The following CYFIP1 variants were observed in gnomAD, a reference collection of about 807,000 sequenced individuals.
The protein encoded by CYFIP1 is cytoplasmic FMR1-interacting protein 1.
In CYFIP1, 58 loss-of-function variants were observed where a neutral mutation model predicts 163.5. The ratio of observed to expected loss-of-function variants is 0.35; its 90% confidence interval spans 0.29 to 0.44. The LOEUF is 0.44. CYFIP1 is among the 20% of genes least tolerant of loss of function. The pLI, the probability that CYFIP1 is intolerant of heterozygous loss-of-function variation, is 1.00. For missense variants in CYFIP1, 1,338 were observed against 1,653.8 expected (o/e 0.81, Z 3.31); for synonymous variants, 663 against 660.7 (o/e 1.00, Z -0.05).
Position 22,944,883 on chromosome 15 carries a change from G to A in CYFIP1, c.264C>T (p.Ser88=), listed in dbSNP as rs367831397. The A allele has an allele frequency of 3.1e-6, 5 of 1,613,960 alleles. No homozygotes were observed. Among genetic ancestry groups the A allele is most frequent in the Non-Finnish European group, 3.4e-6 (4 of 1,180,016 alleles). The part of the protein sequence containing the change: ...EYAVMLYTWR[S]CSRAIPQVKC... Reference sequence around the variant, plus strand: ...GCACCTGTGGGATGGCCCGGGAGCAGCTCCTCCAGGTGTACAGCATGACAG... The same window carrying A: ...GCACCTGTGGGATGGCCCGGGAGCAACTCCTCCAGGTGTACAGCATGACAG... Residue 88 remains serine, a synonymous_variant, in exon 4 of 31, where the codon AGC becomes AGT. Coordinates refer to ENST00000617928, the MANE Select transcript of CYFIP1 (RefSeq NM_014608.6).
intron 30 of CYFIP1, among the ~76,000 whole-genome samples, chr15:22,870,972 A>C (rs2059417520): frequency 6.6e-6 from 1 of 151,952 alleles, no homozygotes; most frequent in Non-Finnish European, 1.5e-5. Context: ...GCAGGTGGTA[A>C]GGGGGAAGCC....
At chr15:22,962,442 A>C (rs1377073342) in intron 1 of CYFIP1, among the ~76,000 whole-genome samples, 2 of 146,904 alleles carry the variant, frequency 1.4e-5, no homozygotes, top group Non-Finnish European at 3.0e-5. Context: ...CTTGTTGCCC[A>C]CGCTGGAATA....
chr15:22,916,777 C>A (rs779240623), intron 15 of CYFIP1, 147 bp from the exon 16 acceptor site: 1 of 1,595,912 alleles, frequency 6.3e-7, no homozygotes, highest in Non-Finnish European at 8.5e-7. Flanking sequence ...GGTCCGGGTG[C>A]CTGTCTACGC....
chr15:22,906,723 C>T (rs1446217421), intron 21 of CYFIP1, among the ~76,000 whole-genome samples: 2 of 152,152 alleles, frequency 1.3e-5, no homozygotes, highest in Admixed American at 1.3e-4. Context: ...CCTCGTCCTC[C>T]CAAAGTGCTG....
intron 3 of CYFIP1, among the ~76,000 whole-genome samples, chr15:22,945,999 T>C (rs2062046627): frequency 6.6e-6 from 1 of 152,188 alleles, no homozygotes; most frequent in African/African-American, 2.4e-5. Flanking sequence ...CTCTAGCACA[T>C]TTTCATGGCA....
At chr15:22,978,371 A>G (rs1470345349) in intron 1 of CYFIP1, among the ~76,000 whole-genome samples, 1 of 150,722 alleles carries the variant, frequency 6.6e-6, no homozygotes, top group East Asian at 1.9e-4. Context: ...AAAAAAAAAA[A>G]AAAAAAAAAA....
intron 6 of CYFIP1, among the ~76,000 whole-genome samples, chr15:22,939,718 G>A (rs889797157): frequency 2.6e-5 from 4 of 152,078 alleles, no homozygotes; most frequent in Non-Finnish European, 5.9e-5. Context: ...CAACTTAGAC[G>A]TGTCTTGCAC....
chr15:22,889,252 A>G (rs948843498), intron 23 of CYFIP1, among the ~76,000 whole-genome samples: 2 of 152,198 alleles, frequency 1.3e-5, no homozygotes, highest in African/African-American at 4.8e-5. Flanking sequence ...CAGCTTTGCA[A>G]ATGCCTCCAA....
chr15:22,957,914 C>A (rs1377396385), intron 1 of CYFIP1, among the ~76,000 whole-genome samples: 1 of 152,108 alleles, frequency 6.6e-6, no homozygotes, highest in Non-Finnish European at 1.5e-5. Context: ...AAAGAATGTG[C>A]TCTTCTGTAT....
intron 13 of CYFIP1, 81 bp from the exon 14 acceptor site, chr15:22,918,939 C>G: frequency 8.7e-7 from 1 of 1,149,872 alleles, no homozygotes; most frequent in Non-Finnish European, 1.2e-6. Flanking sequence ...CCGGGGGCTG[C>G]TCCTCCTCGC....
chr15:22,925,850 C>A (rs980750994), intron 13 of CYFIP1, 132 bp downstream of exon 13: 13 of 1,332,080 alleles, frequency 9.8e-6, no homozygotes, highest in Non-Finnish European at 1.3e-5. Flanking sequence ...GACTACTCTG[C>A]CAGATGGAAA....
At position 22,918,796 on chromosome 15, in the gene CYFIP1, G is replaced by A. The variant is rs768369679; in HGVS notation, c.1422C>T (p.His474=). 2.4e-5 allele frequency: 39 copies of A among 1,613,326 alleles called. No individual in the cohort carries two copies. The highest frequency in any genetic ancestry group is 5.5e-5 in the South Asian group (5 of 91,046). ...CGGCATAGACGGTGTGCCGGATGGC[G>A]TGGTTGAACACGCTCTCCATCCTGC... ...LMGRMESVFN[H]AIRHTVYAAL... The change falls in exon 14 of 31, where the codon CAC becomes CAT. Residue 474 remains histidine, a synonymous_variant. Coordinates refer to ENST00000617928, the MANE Select transcript of CYFIP1 (RefSeq NM_014608.6).
chr15:22,962,863 T>G (rs1053922420), intron 1 of CYFIP1, among the ~76,000 whole-genome samples: 6 of 152,214 alleles, frequency 3.9e-5, no homozygotes, highest in South Asian at 2.1e-4. Context: ...TGTTGACGTG[T>G]GCGTGCTATT....
intron 1 of CYFIP1, among the ~76,000 whole-genome samples, chr15:22,966,521 A>C (rs991909072): frequency 1.8e-4 from 27 of 152,076 alleles, no homozygotes; most frequent in African/African-American, 5.3e-4. Flanking sequence ...TTGGATGTCC[A>C]GCCTCCAGAA....
rs77803967 is a variant in CYFIP1, at chr15:22,933,762, T to G, written c.992+40A>C. The G allele has an allele frequency of 6.1e-6, 9 of 1,477,408 alleles. No individual in the cohort carries two copies. In the East Asian group the frequency reaches 2.0e-4, roughly 33 times the overall value. 91.5% of individuals were successfully genotyped at this position (1,477,408 alleles called of 1,614,324 possible). On this transcript the variant is annotated intron_variant, in intron 10 of 30. Coordinates refer to ENST00000617928, the MANE Select transcript of CYFIP1 (RefSeq NM_014608.6). Reference sequence around the variant, plus strand: ...TTTGAAAACCGCACAATGAGGACACTGCCGAAAGCTCAAACCAGGCAGCTT... The same window carrying G: ...TTTGAAAACCGCACAATGAGGACACGGCCGAAAGCTCAAACCAGGCAGCTT...
At chr15:22,903,532 C>T (rs953912162) in intron 22 of CYFIP1, among the ~76,000 whole-genome samples, 174 bp downstream of exon 22, 2 of 152,212 alleles carry the variant, frequency 1.3e-5, no homozygotes, top group Admixed American at 6.5e-5. Flanking sequence ...AGGGTAGACC[C>T]GAGGCTGCCT....
At chr15:22,931,686 G>GAAAA (rs766177290) in intron 11 of CYFIP1, among the ~76,000 whole-genome samples, 790 of 39,696 alleles carry the variant, frequency 0.02, 105 homozygotes, top group East Asian at 0.099. Context: ...ATGTTTTTCT[G>GAAAA]AAAAAAAAAA....
intron 1 of CYFIP1, among the ~76,000 whole-genome samples, chr15:22,977,848 AATAAC>A (rs1433293818): frequency 4.6e-5 from 7 of 152,154 alleles, no homozygotes; most frequent in Admixed American, 2.0e-4. Context: ...AATAAAATAA[AATAAC>A]ATAACATAAA....
chr15:22,910,899 G>T, intron 18 of CYFIP1, 86 bp from the exon 19 acceptor site: 1 of 1,139,244 alleles, frequency 8.8e-7, no homozygotes, highest in Non-Finnish European at 1.3e-6. Flanking sequence ...TTTCGTTAAG[G>T]CAACTAACTG....
Sources: allele counts gnomAD v4.1 joint callset (sites outside exome capture counted in the v4.1 genomes callset), GRCh38; gene constraint gnomAD v4.1.1; transcripts MANE v1.5; gene names NCBI Gene and HGNC (gene_info 2026-07-23, HGNC 2026-07-21).